Variants in UMPS observed in about 807,000 individuals in gnomAD.
UMPS encodes the protein uridine 5'-monophosphate synthase.
UMPS carries 21 observed loss-of-function variants against 38.9 expected under a neutral mutation model. That is an observed-to-expected ratio of 0.54 (90% confidence interval 0.38 to 0.78). The LOEUF (loss-of-function observed/expected upper bound fraction) is 0.78, where lower values mean the gene tolerates loss of function less well. Among genes scored for constraint, UMPS ranks in the 30% least tolerant of loss-of-function variants. UMPS has a pLI of 0.00. For synonymous variants in UMPS, 208 were observed against 219.3 expected, an observed-to-expected ratio of 0.95 and a Z score of 0.45; for missense variants, 533 against 591.6, an observed-to-expected ratio of 0.90 and a Z score of 1.03.
intron 4 of UMPS, among the ~76,000 whole-genome samples, chr3:124,741,248 G>T (rs188007662): frequency 6.7e-4 from 102 of 152,252 alleles, no homozygotes; most frequent in African/African-American, 2.5e-3. Flanking sequence ...TTGTTTGTTG[G>T]CAGTAGTACT....
rs1029732453 is a variant in UMPS, at chr3:124,749,259, G to A, written c.*5175G>A. 5 of 448,748 alleles carry A rather than the reference G, an allele frequency of 1.1e-5. No individual in the cohort carries two copies. In the East Asian group the frequency reaches 2.1e-4, roughly 19 times the overall value. The allele number at this position is 448,748 out of a possible 1,614,324, so 27.8% of individuals were successfully genotyped here. A position where few individuals can be genotyped will look rare whatever the true frequency, so the allele number is the denominator to read the frequency against. The stretch of plus-strand genomic sequence containing the variant: ...GGGTTCTTTTCAACCTGAATAGATG[G>A]CCTAAAAATTCAAACTTGCCTCATG... On this transcript the variant is annotated 3_prime_UTR_variant, in exon 6 of 6. Coordinates refer to ENST00000232607, the MANE Select transcript of UMPS (RefSeq NM_000373.4).
chr3:124,746,698 G>A lies in UMPS; in HGVS notation c.*2614G>A, dbSNP rs4677940. 83,419 of 451,962 alleles carry A rather than the reference G, an allele frequency of 0.18. 8,551 individuals carry two copies. Among genetic ancestry groups the A allele is most frequent in the Admixed American group, 0.29 (12,386 of 42,464 alleles). 28.0% of individuals were successfully genotyped at this position (451,962 alleles called of 1,614,324 possible). ...CTGTGAGACTGATGGAGTGGAGAACGCCATCCCCCAGCCTCTCCAGCTACT... is the reference window on the plus strand; with the variant it reads ...CTGTGAGACTGATGGAGTGGAGAACACCATCCCCCAGCCTCTCCAGCTACT... On this transcript the variant is annotated 3_prime_UTR_variant, in exon 6 of 6. Transcript: ENST00000232607.
At chr3:124,739,535 TG>T (rs2063541699) in intron 3 of UMPS, among the ~76,000 whole-genome samples, 1 of 152,112 alleles carries the variant, frequency 6.6e-6, no homozygotes, top group South Asian at 2.1e-4. Flanking sequence ...AGTTTTGCCA[TG>T]TTGCCCAGGC....
intron 3 of UMPS, among the ~76,000 whole-genome samples, chr3:124,739,340 TA>T (rs1054547150): frequency 1.3e-5 from 2 of 152,316 alleles, no homozygotes; most frequent in East Asian, 1.9e-4. Flanking sequence ...TTTTTATTAT[TA>T]TTTTTTTTGA....
At chr3:124,739,290 C>G (rs1332144434) in intron 3 of UMPS, among the ~76,000 whole-genome samples, 1 of 152,046 alleles carries the variant, frequency 6.6e-6, no homozygotes, top group African/African-American at 2.4e-5. Context: ...CTGAGAGACC[C>G]CTGCAGAGTG....
intron 1 of UMPS, among the ~76,000 whole-genome samples, chr3:124,732,095 C>T (rs1223300116): frequency 6.6e-6 from 1 of 152,130 alleles, no homozygotes; most frequent in Non-Finnish European, 1.5e-5. Context: ...CTGGTGCCAC[C>T]CCCGGGCTAC....
chr3:124,748,788 AGCCTGAGGTG>A lies in UMPS; in HGVS notation c.*4712_*4721del, dbSNP rs1258561704. 2.5e-6 allele frequency: 1 copy of A among 402,966 alleles called. No homozygotes were observed. Among genetic ancestry groups the A allele is most frequent in the African/African-American group, 2.1e-5 (1 of 48,528 alleles). 25.0% of individuals were successfully genotyped at this position (402,966 alleles called of 1,614,324 possible). On this transcript the variant is annotated 3_prime_UTR_variant, in exon 6 of 6. Coordinates refer to ENST00000232607, the MANE Select transcript of UMPS (RefSeq NM_000373.4). ...GCTCGGCCATGTGTGTCTGGGACAG[AGCCTGAGGTG>A]GCCTGAGCTTCCTGTGGCTCCAGAG... is the stretch of plus-strand genomic sequence containing the variant.
Position 124,737,771 on chromosome 3 carries a change from T to C in UMPS, c.514T>C (p.Ser172Pro). 6.2e-7 allele frequency: 1 copy of C among 1,614,206 alleles called. No homozygotes were observed. Among genetic ancestry groups the C allele is most frequent in the Non-Finnish European group, 8.5e-7 (1 of 1,180,034 alleles). Residue 172 changes from serine to proline, a missense_variant, in exon 3 of 6, where the codon TCA (serine) becomes CCA (proline). Transcript: ENST00000232607. ...KLQAHGIRLH[S>P]VCTLSKMLEI... The stretch of plus-strand genomic sequence containing the variant: ...GCAGGCGCACGGGATCCGCCTCCAC[T>C]CAGTGTGTACATTGTCCAAAATGCT...
rs925572418 is a variant in UMPS at position 124,730,461 on chromosome 3, A to T, written c.-11A>T. ...GCCTGGGAATTTGAAGCAAACAGGCAGCGCGCGACAATGGCGGTCGCTCGT... is the reference window on the plus strand; with the variant it reads ...GCCTGGGAATTTGAAGCAAACAGGCTGCGCGCGACAATGGCGGTCGCTCGT... On this transcript the variant is annotated 5_prime_UTR_variant, in exon 1 of 6. Coordinates refer to ENST00000232607, the MANE Select transcript of UMPS (RefSeq NM_000373.4). The T allele has an allele frequency of 1.2e-6, 2 of 1,614,020 alleles. No homozygotes were observed. The highest frequency in any genetic ancestry group is 1.7e-6 in the Non-Finnish European group (2 of 1,179,934).
chr3:124,735,395 A>G, intron 2 of UMPS, 149 bp downstream of exon 2: 1 of 792,014 alleles, frequency 1.3e-6, no homozygotes, highest in East Asian at 2.7e-5. Context: ...TGTTACTATA[A>G]GTCACCTTCC....
chr3:124,747,471 T>C lies in UMPS; in HGVS notation c.*3387T>C, dbSNP rs1267447555. ...TGAACCCAAACTCTCGTGTTTCTGC[T>C]CACCCCTCTCTGGCTTCTGCCACCA... On this transcript the variant is annotated 3_prime_UTR_variant, in exon 6 of 6. Transcript: ENST00000232607. The C allele has an allele frequency of 1.1e-5, 5 of 454,102 alleles. No individual in the cohort carries two copies. The East Asian group carries it at 2.1e-4, about 19-fold the overall frequency. The allele number at this position is 454,102 out of a possible 1,614,324, so 28.1% of individuals were successfully genotyped here.
rs1559909386 is a variant in UMPS at position 124,746,284 on chromosome 3, T to C, written c.*2200T>C. The C allele has an allele frequency of 6.6e-6, 3 of 454,096 alleles. No homozygotes were observed. The highest frequency in any genetic ancestry group is 3.1e-5 in the South Asian group (2 of 64,468). The allele number at this position is 454,096 out of a possible 1,614,324, so 28.1% of individuals were successfully genotyped here. A position where few individuals can be genotyped will look rare whatever the true frequency, so the allele number is the denominator to read the frequency against. ...CCCTGCCACTTACTGAAAGTGTAGG[T>C]CCTTGTGCCCCACACCATCAGAGTT... On this transcript the variant is annotated 3_prime_UTR_variant, in exon 6 of 6. Transcript: ENST00000232607.
Position 124,744,094 on chromosome 3 carries a change from A to T in UMPS, c.*10A>T, listed in dbSNP as rs747866115. The T allele has an allele frequency of 6.2e-7, 1 of 1,613,924 alleles. No individual in the cohort carries two copies. Among genetic ancestry groups the T allele is most frequent in the Admixed American group, 1.7e-5 (1 of 60,016 alleles). ...TAGACTTGGTGTTTGAGTGCTTCAG[A>T]TACATTTTTCAGATACAATGTGAAG... On this transcript the variant is annotated 3_prime_UTR_variant, in exon 6 of 6. Transcript: ENST00000232607.
At position 124,744,566 on chromosome 3, in the gene UMPS, G is replaced by A. The variant is rs556548296; in HGVS notation, c.*482G>A. ...TGGTGCTATAGGCATGCACCACCAC[G>A]TCCATCTAAATTTCTTTATTATTTG... On this transcript the variant is annotated 3_prime_UTR_variant, in exon 6 of 6. Transcript: ENST00000232607. The A allele has an allele frequency of 2.6e-5, 12 of 453,824 alleles. No homozygotes were observed. Among genetic ancestry groups the A allele is most frequent in the African/African-American group, 1.6e-4 (8 of 50,022 alleles). 28.1% of individuals were successfully genotyped at this position (453,824 alleles called of 1,614,324 possible). A position where few individuals can be genotyped will look rare whatever the true frequency, so the allele number is the denominator to read the frequency against.
rs778127903 is a variant in UMPS at position 124,747,351 on chromosome 3, T to G, written c.*3267T>G. 1.5e-5 allele frequency: 7 copies of G among 454,976 alleles called. No individual in the cohort carries two copies. The highest frequency in any genetic ancestry group is 1.1e-4 in the South Asian group (7 of 65,294). The allele number at this position is 454,976 out of a possible 1,614,324, so 28.2% of individuals were successfully genotyped here. A position where few individuals can be genotyped will look rare whatever the true frequency, so the allele number is the denominator to read the frequency against. ...CCACAGGAGAGCCAACAGCAGAGGG[T>G]GCTGGCCGCTGAGCTAGCTGCTAAT... On this transcript the variant is annotated 3_prime_UTR_variant, in exon 6 of 6. Coordinates refer to ENST00000232607, the MANE Select transcript of UMPS (RefSeq NM_000373.4).
rs142909683 is a variant in UMPS at position 124,744,017 on chromosome 3, G to A, written c.1376G>A (p.Arg459His). Residue 459 changes from arginine (R) to histidine (H), a missense_variant, in exon 6 of 6, where the codon CGT becomes CAT. Coordinates refer to ENST00000232607, the MANE Select transcript of UMPS (RefSeq NM_000373.4). The part of the protein sequence containing the change: ...VGRGIISAAD[R>H]LEAAEMYRKA... ...CGTGGCATAATCTCAGCAGCTGATCGTCTGGAAGCAGCAGAGATGTACAGA... is the reference window on the plus strand; with the variant it reads ...CGTGGCATAATCTCAGCAGCTGATCATCTGGAAGCAGCAGAGATGTACAGA... 6.8e-6 allele frequency: 11 copies of A among 1,614,102 alleles called. No homozygotes were observed. The highest frequency in any genetic ancestry group is 2.2e-5 in the East Asian group (1 of 44,892).
chr3:124,742,253 G>C lies in UMPS; in HGVS notation c.1260G>C (p.Gln420His). 1 of 1,613,882 alleles carries C rather than the reference G, an allele frequency of 6.2e-7. No individual in the cohort carries two copies. Among genetic ancestry groups the C allele is most frequent in the Non-Finnish European group, 8.5e-7 (1 of 1,179,774 alleles). Residue 420 changes from glutamine (Q) to histidine (H), a missense_variant, in exon 5 of 6, where the codon CAG (glutamine) becomes CAC (histidine). Coordinates refer to ENST00000232607, the MANE Select transcript of UMPS (RefSeq NM_000373.4). ...TTCTTCACTTGACTCCAGGAGTTCA[G>C]TTGGAAGCAGGAGGTAAATCTGGTC... Reference protein sequence around the residue: ...PEFLHLTPGVQLEAGGDNLGQ... With the variant: ...PEFLHLTPGVHLEAGGDNLGQ...
At chr3:124,738,296 G>T (rs950370593) in intron 3 of UMPS, 57 bp downstream of exon 3, 4 of 1,570,788 alleles carry the variant, frequency 2.5e-6, no homozygotes, top group Middle Eastern at 1.9e-4. Flanking sequence ...AACTGAAGAA[G>T]AAAAAGGAAA....
In UMPS at chr3:124,730,575, C is replaced by G. The variant is rs1450171552; in HGVS notation, c.104C>G (p.Pro35Arg). The G allele has an allele frequency of 1.9e-6, 3 of 1,613,620 alleles. No individual in the cohort carries two copies. The South Asian group carries it at 3.3e-5, about 18-fold the overall frequency. The stretch of plus-strand genomic sequence containing the variant: ...GTGCTGAAGAGCGGGCTTTCCTCCC[C>G]CATCTACATCGATCTGCGGGGCATC... Reference protein sequence around the residue: ...DFVLKSGLSSPIYIDLRGIVS... With the variant: ...DFVLKSGLSSRIYIDLRGIVS... The change falls in exon 1 of 6, where the codon CCC becomes CGC. Residue 35 changes from proline to arginine, a missense_variant. Coordinates refer to ENST00000232607, the MANE Select transcript of UMPS (RefSeq NM_000373.4).
Sources: gnomAD v4.1 joint callset for allele counts (sites outside exome capture counted in the v4.1 genomes callset) on GRCh38, gnomAD v4.1.1 for gene constraint, MANE v1.5 for transcripts, NCBI Gene and HGNC (gene_info 2026-07-23, HGNC 2026-07-21) for gene names.